Variants in VPS13B observed in about 807,000 individuals in gnomAD.
The protein encoded by VPS13B is vacuolar protein sorting 13 homolog B, also known as intermembrane lipid transfer protein VPS13B.
Under a neutral mutation model 426.4 loss-of-function variants are expected in VPS13B, and 285 were observed. The ratio of observed to expected loss-of-function variants is 0.67; its 90% confidence interval spans 0.61 to 0.74. The LOEUF is 0.74. Among genes scored for constraint, VPS13B ranks in the 30% least tolerant of loss-of-function variants. The probability of loss-of-function intolerance (pLI) is 0.00; values close to 1 mark genes in which losing one functional copy is unlikely to be tolerated. For synonymous variants in VPS13B, 1,676 were observed against 1,676.4 expected (o/e 1.00, Z 0.01); for missense variants, 4,537 against 4,782.6 (o/e 0.95, Z 1.51).
chr8:99,422,521 CA>C (rs1451431617), intron 21 of VPS13B, among the ~76,000 whole-genome samples: 1 of 152,022 alleles, frequency 6.6e-6, no homozygotes, highest in Non-Finnish European at 1.5e-5. Flanking sequence ...GGCTTTTGTG[CA>C]AACCTTTGCT....
intron 55 of VPS13B, among the ~76,000 whole-genome samples, chr8:99,851,902 A>G (rs1816313415): frequency 6.6e-6 from 1 of 152,090 alleles, no homozygotes; most frequent in Non-Finnish European, 1.5e-5. Context: ...GCTTTGTTGA[A>G]GTAGACTGTA....
chr8:99,645,921 G>A (rs1466460250), intron 34 of VPS13B, among the ~76,000 whole-genome samples: 1 of 152,124 alleles, frequency 6.6e-6, no homozygotes, highest in African/African-American at 2.4e-5. Context: ...TTTTCTGGAA[G>A]CCCCAAGATA....
At chr8:99,075,778 A>T (rs1000088366) in intron 3 of VPS13B, among the ~76,000 whole-genome samples, 9 of 152,100 alleles carry the variant, frequency 5.9e-5, no homozygotes, top group African/African-American at 2.2e-4. Flanking sequence ...TCCTTTTAAC[A>T]TGGTTAGTCT....
At chr8:99,303,581 C>G (rs917210019) in intron 19 of VPS13B, among the ~76,000 whole-genome samples, 1 of 150,892 alleles carries the variant, frequency 6.6e-6, no homozygotes, top group African/African-American at 2.4e-5. Flanking sequence ...TGTAATGTGG[C>G]TTTAGAATAT....
At chr8:99,401,376 AT>A (rs1400008547) in intron 21 of VPS13B, among the ~76,000 whole-genome samples, 1 of 152,206 alleles carries the variant, frequency 6.6e-6, no homozygotes, top group Non-Finnish European at 1.5e-5. Context: ...AAATAATAAA[AT>A]TTTTAAACCT....
At chr8:99,432,478 C>T (rs993607978) in intron 22 of VPS13B, among the ~76,000 whole-genome samples, 1 of 152,086 alleles carries the variant, frequency 6.6e-6, no homozygotes, top group Non-Finnish European at 1.5e-5. Flanking sequence ...ACCATAACAG[C>T]AGGGTGCTAA....
chr8:99,438,802 C>G (rs963645489), intron 22 of VPS13B, among the ~76,000 whole-genome samples: 1 of 152,050 alleles, frequency 6.6e-6, no homozygotes, highest in African/African-American at 2.4e-5. Context: ...AAATGGAATA[C>G]TAATTTTAAT....
At chr8:99,303,141 G>A (rs759834488) in intron 19 of VPS13B, among the ~76,000 whole-genome samples, 15 of 150,238 alleles carry the variant, frequency 1.0e-4, no homozygotes, top group Non-Finnish European at 1.8e-4. Flanking sequence ...TTAGCTGGGC[G>A]TGGTAGAATG....
chr8:99,033,503 G>A (rs1842612090), intron 2 of VPS13B, among the ~76,000 whole-genome samples: 1 of 152,098 alleles, frequency 6.6e-6, no homozygotes, highest in South Asian at 2.1e-4. Context: ...TTTGTTGATT[G>A]TACTTTCAAC....
chr8:99,206,984 G>T (rs930922870), intron 17 of VPS13B, among the ~76,000 whole-genome samples: 2 of 152,082 alleles, frequency 1.3e-5, no homozygotes, highest in African/African-American at 4.8e-5. Context: ...AGTTAGATTT[G>T]TATTGAGAAC....
At chr8:99,805,419 C>T (rs574308077) in intron 43 of VPS13B, among the ~76,000 whole-genome samples, 33 of 152,050 alleles carry the variant, frequency 2.2e-4, no homozygotes, top group African/African-American at 7.2e-4. Context: ...TTTATTTAAC[C>T]ATCCACTTTC....
intron 33 of VPS13B, among the ~76,000 whole-genome samples, chr8:99,605,789 C>T (rs762338986): frequency 3.3e-5 from 5 of 152,068 alleles, no homozygotes; most frequent in Non-Finnish European, 7.4e-5. Flanking sequence ...GAAGTTGGTC[C>T]TTTTTAAAAA....
chr8:99,684,765 G>A (rs1303570350), intron 35 of VPS13B, among the ~76,000 whole-genome samples: 1 of 152,174 alleles, frequency 6.6e-6, no homozygotes, highest in Non-Finnish European at 1.5e-5. Context: ...GTAGGCAACT[G>A]ACATCATTAG....
At position 99,111,080 on chromosome 8, in the gene VPS13B, GTT is replaced by G; in HGVS notation, c.581-10_581-9del. On this transcript the variant is annotated splice_polypyrimidine_tract_variant and intron_variant, in intron 5 of 61. Coordinates refer to ENST00000357162, the MANE Select transcript of VPS13B (RefSeq NM_152564.5). ...GCTAATTTTCCTTTTTACTTAAAATGTTTTTTTTTCTTTTTAGCAACTGATTT... is the reference window on the plus strand; with the variant it reads ...GCTAATTTTCCTTTTTACTTAAAATGTTTTTTTCTTTTTAGCAACTGATTT... 1.3e-6 allele frequency: 2 copies of G among 1,569,770 alleles called. No individual in the cohort carries two copies. Among genetic ancestry groups the G allele is most frequent in the Non-Finnish European group, 1.7e-6 (2 of 1,152,420 alleles).
At chr8:99,687,805 C>T (rs1831482404) in intron 35 of VPS13B, among the ~76,000 whole-genome samples, 2 of 152,042 alleles carry the variant, frequency 1.3e-5, no homozygotes. Flanking sequence ...ACGGTGATTG[C>T]TTACCTGACT....
chr8:99,105,629 T>C (rs1847005400), intron 5 of VPS13B, among the ~76,000 whole-genome samples: 1 of 152,202 alleles, frequency 6.6e-6, no homozygotes, highest in African/African-American at 2.4e-5. Context: ...TCTGCCTGCC[T>C]CAGCTTCCTA....
At chr8:99,126,909 TA>T (rs1650454866) in intron 8 of VPS13B, among the ~76,000 whole-genome samples, 2 of 151,790 alleles carry the variant, frequency 1.3e-5, no homozygotes, top group South Asian at 4.2e-4. Flanking sequence ...GCCATGCAAA[TA>T]TGGTGAAACT....
At chr8:99,819,873 A>G (rs1222600334) in intron 48 of VPS13B, 48 bp from the exon 49 acceptor site, 1 of 1,598,064 alleles carries the variant, frequency 6.3e-7, no homozygotes, top group East Asian at 2.2e-5. Context: ...CACAAATATT[A>G]AAGTTATCAT....
chr8:99,182,941 A>AT (rs1273756847), intron 16 of VPS13B, among the ~76,000 whole-genome samples: 2 of 152,040 alleles, frequency 1.3e-5, no homozygotes, highest in Non-Finnish European at 2.9e-5. Context: ...TTCGGGTTTC[A>AT]TTATGTTGGC....
Sources: gnomAD v4.1 joint callset for allele counts (sites outside exome capture counted in the v4.1 genomes callset) on GRCh38, gnomAD v4.1.1 for gene constraint, MANE v1.5 for transcripts, NCBI Gene and HGNC (gene_info 2026-07-23, HGNC 2026-07-21) for gene names.